VWCE: variants seen among roughly 807,000 people sequenced by gnomAD.
VWCE encodes von Willebrand factor C and EGF domains.
In VWCE, 68 loss-of-function variants were observed where a neutral mutation model predicts 102.9. The observed-to-expected ratio is 0.66, with a 90% CI of 0.54 to 0.81. The LOEUF (loss-of-function observed/expected upper bound fraction) is 0.81. Ranked by LOEUF, VWCE falls within the 30% of genes least tolerant of loss-of-function variation. The pLI is 0.00. For synonymous variants in VWCE, 497 were observed against 515.4 expected, an observed-to-expected ratio of 0.96 and a Z score of 0.48; for missense variants, 1,137 against 1,263.6, an observed-to-expected ratio of 0.90 and a Z score of 1.52.
At chr11:61,289,439 AG>A (rs1274836013) in intron 4 of VWCE, among the ~76,000 whole-genome samples, 2 of 151,130 alleles carry the variant, frequency 1.3e-5, no homozygotes, top group Non-Finnish European at 2.9e-5. Context: ...TAGTAGAGAC[AG>A]GGTTTCACCA....
chr11:61,258,485 TACAGC>T lies in VWCE; in HGVS notation c.*185_*189del. 1.9e-6 allele frequency: 1 copy of T among 532,874 alleles called. No homozygotes were observed. Among genetic ancestry groups the T allele is most frequent in the Non-Finnish European group, 2.9e-6 (1 of 350,396 alleles). The allele number at this position is 532,874 out of a possible 1,614,324, so 33.0% of individuals were successfully genotyped here. ...CAGTGGAAACGACTTCCTCCATTCT[TACAGC>T]ACATTCCAAACACTTCTTGGGAACA... On this transcript the variant is annotated 3_prime_UTR_variant, in exon 20 of 20. Coordinates refer to ENST00000335613, the MANE Select transcript of VWCE (RefSeq NM_152718.2).
chr11:61,275,174 C>T (rs893578888), intron 11 of VWCE, among the ~76,000 whole-genome samples: 4 of 152,334 alleles, frequency 2.6e-5, no homozygotes, highest in African/African-American at 7.2e-5. Context: ...TAAAAAGAGA[C>T]TGTCCAACAC....
At chr11:61,269,782 T>G (rs1401587873) in intron 14 of VWCE, among the ~76,000 whole-genome samples, 1 of 151,888 alleles carries the variant, frequency 6.6e-6, no homozygotes, top group Admixed American at 6.6e-5. Context: ...AAAAACAATC[T>G]GACAGTTTGA....
chr11:61,286,280 C>T lies in VWCE; in HGVS notation c.541+34G>A, dbSNP rs7106411. On this transcript the variant is annotated intron_variant, in intron 5 of 19. Transcript: ENST00000335613. ...GTTCAATGTGGCATCCCCATTACCC[C>T]TCCCAGAGCAGCCATTCCTTCTCTG... is the stretch of plus-strand genomic sequence containing the variant. The T allele has an allele frequency of 1.4e-3, 2,274 of 1,591,034 alleles. 32 individuals carry two copies. The African/African-American group carries it at 0.028, about 19-fold the overall frequency.
intron 5 of VWCE, 52 bp downstream of exon 5, chr11:61,286,262 G>A (rs1855316076): frequency 1.3e-6 from 2 of 1,539,104 alleles, no homozygotes; most frequent in African/African-American, 1.4e-5. Flanking sequence ...AGTGTTCAAT[G>A]TGGCATCCCC....
In VWCE at chr11:61,273,269, G is replaced by A; in HGVS notation, c.1629C>T (p.Cys543=). 3 of 1,613,842 alleles carry A rather than the reference G, an allele frequency of 1.9e-6. No homozygotes were observed. Among genetic ancestry groups the A allele is most frequent in the Non-Finnish European group, 2.5e-6 (3 of 1,179,896 alleles). Residue 543 remains cysteine (C), a synonymous_variant, in exon 13 of 20, where the codon TGC becomes TGT. Coordinates refer to ENST00000335613, the MANE Select transcript of VWCE (RefSeq NM_152718.2). ...CSFMPCPELA[C]PREEWRLGPG... ...GGCCCAGCCGCCACTCTTCTCGGGG[G>A]CAGGCCAGCTCAGGGCAGGGCATGA...
intron 16 of VWCE, among the ~76,000 whole-genome samples, chr11:61,266,312 C>T (rs545860852): frequency 2.6e-5 from 4 of 152,016 alleles, no homozygotes; most frequent in Admixed American, 6.6e-5. Flanking sequence ...GGCCAAGGTG[C>T]GAGGATTGCC....
chr11:61,277,784 AAG>A (rs2134796443), intron 10 of VWCE, among the ~76,000 whole-genome samples: 1 of 152,202 alleles, frequency 6.6e-6, no homozygotes, highest in East Asian at 1.9e-4. Context: ...TCGGTGAAGA[AAG>A]AGATGAGAAG....
Position 61,267,505 on chromosome 11 carries a change from G to T in VWCE, c.1922C>A (p.Thr641Asn), listed in dbSNP as rs578238090. 3.7e-6 allele frequency: 6 copies of T among 1,614,176 alleles called. No individual in the cohort carries two copies. The highest frequency in any genetic ancestry group is 5.1e-6 in the Non-Finnish European group (6 of 1,180,036). The change falls in exon 16 of 20, where the codon ACC (threonine) becomes AAC (asparagine). Residue 641 changes from threonine (T) to asparagine (N), a missense_variant. By Grantham distance (65) the Thr-to-Asn change is moderately conservative (BLOSUM62 0). Transcript: ENST00000335613. ...YTGRIFYNNETFPSVLDPCLS... is the reference protein window; with the variant it reads ...YTGRIFYNNENFPSVLDPCLS... Reference sequence around the variant, plus strand: ...ACATGGGTCCAGCACAGACGGGAAGGTCTCGTTGTTATAGAAGATTCTGCC... The same window carrying T: ...ACATGGGTCCAGCACAGACGGGAAGTTCTCGTTGTTATAGAAGATTCTGCC...
At chr11:61,275,525 CACTT>C (rs1400760193) in intron 11 of VWCE, among the ~76,000 whole-genome samples, 4 of 152,044 alleles carry the variant, frequency 2.6e-5, no homozygotes, top group Non-Finnish European at 4.4e-5. Context: ...AGAAAAAAAA[CACTT>C]AAAAAGAACA....
rs537964180 is a variant in VWCE, at chr11:61,290,919, C to T, written c.304G>A (p.Gly102Arg). The T allele has an allele frequency of 6.2e-7, 1 of 1,613,530 alleles. No individual in the cohort carries two copies. Among genetic ancestry groups the T allele is most frequent in the Admixed American group, 1.7e-5 (1 of 59,974 alleles). Residue 102 changes from glycine (G) to arginine (R), a missense_variant, in exon 4 of 20, where the codon GGA (glycine) becomes AGA (arginine). By Grantham distance (125) the Gly-to-Arg change is moderately radical (BLOSUM62 -2). Around this residue, in one of 5 missense-constraint regions of VWCE, gnomAD observed 575 missense variants for 625.9 expected, o/e 0.92. Coordinates refer to ENST00000335613, the MANE Select transcript of VWCE (RefSeq NM_152718.2). ...EQGATCPETH[G>R]PCGEYGCDLT... ...TCACAGCCGTACTCCCCACATGGTC[C>T]ATGGGTTTCTAGAGCAGGCATCACA... is the stretch of plus-strand genomic sequence containing the variant.
At position 61,258,440 on chromosome 11, in the gene VWCE, C is replaced by T. The variant is rs1348996665; in HGVS notation, c.*235G>A. ...CTTCTCAAAAGATGAGCCAGCCACG[C>T]GGTCCAGGGAGGATGCTGACAGTGG... On this transcript the variant is annotated 3_prime_UTR_variant, in exon 20 of 20. Coordinates refer to ENST00000335613, the MANE Select transcript of VWCE (RefSeq NM_152718.2). 7.7e-6 allele frequency: 3 copies of T among 392,134 alleles called. No individual in the cohort carries two copies. The highest frequency in any genetic ancestry group is 9.2e-5 in the Admixed American group (2 of 21,724). 24.3% of individuals were successfully genotyped at this position (392,134 alleles called of 1,614,324 possible).
chr11:61,262,543 G>A (rs568677377), intron 19 of VWCE, among the ~76,000 whole-genome samples: 1 of 152,274 alleles, frequency 6.6e-6, no homozygotes, highest in Admixed American at 6.5e-5. Context: ...ACAGTCAGGG[G>A]ACTAATATCC....
chr11:61,272,324 CAGAG>C (rs951172171), intron 13 of VWCE, among the ~76,000 whole-genome samples: 3 of 151,778 alleles, frequency 2.0e-5, no homozygotes, highest in Non-Finnish European at 2.9e-5. Flanking sequence ...AGATACTACT[CAGAG>C]AGACACAAAC....
intron 6 of VWCE, 46 bp downstream of exon 6, chr11:61,282,743 G>A (rs748187032): frequency 2.0e-6 from 3 of 1,513,094 alleles, no homozygotes; most frequent in Non-Finnish European, 2.8e-6. Context: ...CCATCCTCCT[G>A]ATTGGCAGCC....
intron 19 of VWCE, among the ~76,000 whole-genome samples, chr11:61,263,728 C>T (rs1854423682): frequency 6.6e-6 from 1 of 152,166 alleles, no homozygotes; most frequent in East Asian, 1.9e-4. Context: ...CAGCACTTCA[C>T]CTGCCTGGGC....
At chr11:61,281,263 G>T (rs759743833) in intron 7 of VWCE, 28 bp from the exon 8 acceptor site, 2 of 1,610,948 alleles carry the variant, frequency 1.2e-6, no homozygotes, top group Non-Finnish European at 1.7e-6. Flanking sequence ...AGGTCTCTTG[G>T]GGTGGACAGC....
chr11:61,267,668 C>A, intron 15 of VWCE, 124 bp from the exon 16 acceptor site: 1 of 831,318 alleles, frequency 1.2e-6, no homozygotes, highest in South Asian at 1.5e-5. Context: ...CCCAGGCAGT[C>A]ACCCTGGGAG....
intron 19 of VWCE, among the ~76,000 whole-genome samples, chr11:61,261,645 A>G (rs1854363517): frequency 6.6e-6 from 1 of 151,896 alleles, no homozygotes; most frequent in African/African-American, 2.4e-5. Context: ...AAACAAAAAT[A>G]GAAACAAAAA....
Sources: allele counts gnomAD v4.1 joint callset (sites outside exome capture counted in the v4.1 genomes callset), GRCh38; gene constraint gnomAD v4.1.1; regional missense constraint gnomAD v4.1.1; transcripts MANE v1.5; gene names NCBI Gene and HGNC (gene_info 2026-07-23, HGNC 2026-07-21).